CHN2: variants seen among roughly 807,000 people sequenced by gnomAD.
CHN2 encodes chimerin 2, also known as beta-chimaerin.
A neutral mutation model predicts 56.3 loss-of-function variants in CHN2; 35 were observed. The ratio of observed to expected loss-of-function variants is 0.62; its 90% CI spans 0.47 to 0.82. The LOEUF (loss-of-function observed/expected upper bound fraction) is 0.82. Ranked by LOEUF, CHN2 falls within the 40% of genes least tolerant of loss-of-function variation. The pLI is 0.00. For synonymous variants in CHN2, 210 were observed against 212.8 expected (o/e 0.99, Z 0.12); for missense variants, 491 against 580.5 (o/e 0.85, Z 1.58).
At chr7:29,172,489 C>T (rs1477634700) in intron 2 of CHN2, among the ~76,000 whole-genome samples, 2 of 152,126 alleles carry the variant, frequency 1.3e-5, no homozygotes, top group Non-Finnish European at 2.9e-5. Context: ...TAAAAATAAC[C>T]AAGCCTTCAG....
At chr7:29,392,261 C>T (rs1801425474) in intron 3 of CHN2, among the ~76,000 whole-genome samples, 1 of 152,094 alleles carries the variant, frequency 6.6e-6, no homozygotes, top group African/African-American at 2.4e-5. Context: ...TAAAAAAGAA[C>T]TTTGAAAGCC....
intron 1 of CHN2, among the ~76,000 whole-genome samples, chr7:29,286,362 A>C (rs1010099268): frequency 1.3e-5 from 2 of 151,998 alleles, no homozygotes; most frequent in African/African-American, 4.8e-5. Flanking sequence ...TATCATAAGA[A>C]ATAGGGTAGG....
At chr7:29,270,217 G>C (rs558387651) in intron 1 of CHN2, among the ~76,000 whole-genome samples, 1 of 152,042 alleles carries the variant, frequency 6.6e-6, no homozygotes, top group Non-Finnish European at 1.5e-5. Context: ...AACCTTGCTC[G>C]CTGGTAGTCT....
chr7:29,495,900 G>C (rs1789217221), intron 7 of CHN2, 52 bp from the exon 8 acceptor site: 1 of 1,494,820 alleles, frequency 6.7e-7, no homozygotes, highest in Non-Finnish European at 9.3e-7. Flanking sequence ...GAGGCTACCT[G>C]CCTTTAAATG....
intron 1 of CHN2, among the ~76,000 whole-genome samples, chr7:29,310,037 G>A (rs560413334): frequency 4.6e-5 from 7 of 152,316 alleles, no homozygotes; most frequent in African/African-American, 1.7e-4. Flanking sequence ...CCTAGGTGGG[G>A]GGACCAAGAA....
At chr7:29,245,451 A>G (rs1788000254) in intron 1 of CHN2, among the ~76,000 whole-genome samples, 1 of 152,252 alleles carries the variant, frequency 6.6e-6, no homozygotes, top group South Asian at 2.1e-4. Context: ...TAGGTACTTC[A>G]GTGGGGACAA....
chr7:29,299,838 A>G (rs566918714), intron 1 of CHN2, among the ~76,000 whole-genome samples: 1 of 152,354 alleles, frequency 6.6e-6, no homozygotes, highest in Admixed American at 6.5e-5. Context: ...ACAACTGTCC[A>G]TGAGAGTGCA....
intron 1 of CHN2, among the ~76,000 whole-genome samples, chr7:29,310,822 C>A (rs997135786): frequency 2.0e-5 from 3 of 152,200 alleles, no homozygotes; most frequent in African/African-American, 7.2e-5. Flanking sequence ...GCTCCACCCT[C>A]ATGACCTAAT....
At chr7:29,265,721 A>AGG (rs111808556) in intron 1 of CHN2, among the ~76,000 whole-genome samples, 8,042 of 152,136 alleles carry the variant, frequency 0.053, 704 homozygotes, top group African/African-American at 0.18. Context: ...GCATGTAGGG[A>AGG]GGAGAATCCT....
At chr7:29,471,643 T>G (rs1351685031) in intron 6 of CHN2, among the ~76,000 whole-genome samples, 1 of 152,106 alleles carries the variant, frequency 6.6e-6, no homozygotes, top group Non-Finnish European at 1.5e-5. Flanking sequence ...GTCTCTCACA[T>G]CGAGAGTCGC....
At chr7:29,348,443 C>T (rs1797631484) in intron 1 of CHN2, among the ~76,000 whole-genome samples, 1 of 152,128 alleles carries the variant, frequency 6.6e-6, no homozygotes, top group Non-Finnish European at 1.5e-5. Flanking sequence ...TCTTATTACC[C>T]ATTTTTTAAA....
At chr7:29,239,195 T>C (rs1299747029) in intron 1 of CHN2, among the ~76,000 whole-genome samples, 4 of 152,028 alleles carry the variant, frequency 2.6e-5, no homozygotes, top group Non-Finnish European at 5.9e-5. Context: ...GGGAGTGACA[T>C]ATGCTTGAAT....
chr7:29,259,343 C>T (rs1017368965), intron 1 of CHN2, among the ~76,000 whole-genome samples: 1 of 149,936 alleles, frequency 6.7e-6, no homozygotes, highest in South Asian at 2.1e-4. Flanking sequence ...AAAACCCAAA[C>T]AAACAAACAT....
intron 1 of CHN2, among the ~76,000 whole-genome samples, chr7:29,315,834 AAG>A (rs1260521966): frequency 6.6e-6 from 1 of 152,186 alleles, no homozygotes; most frequent in African/African-American, 2.4e-5. Context: ...TGAAAATGCT[AAG>A]AGAGAAGATT....
chr7:29,486,150 G>A (rs186492376), intron 7 of CHN2, among the ~76,000 whole-genome samples: 25 of 152,286 alleles, frequency 1.6e-4, no homozygotes, highest in Non-Finnish European at 2.5e-4. Context: ...CCGATGGGAG[G>A]GGGTGGGGAG....
At chr7:29,334,241 G>A (rs995445360) in intron 1 of CHN2, among the ~76,000 whole-genome samples, 1 of 151,874 alleles carries the variant, frequency 6.6e-6, no homozygotes. Flanking sequence ...AGTAGAGACA[G>A]GGTTTCTTCA....
chr7:29,394,533 G>T lies in CHN2; in HGVS notation c.176+823G>T, dbSNP rs111327778. Among the ~76,000 whole-genome samples the T allele has an allele frequency of 3.3e-5, 5 of 152,270 alleles. 1 individual carries two copies. The highest frequency in any genetic ancestry group is 1.2e-4 in the African/African-American group (5 of 41,538). On this transcript the variant is annotated intron_variant, in intron 4 of 12. Transcript: ENST00000222792. ...TTCATGATTAATGACCCTCTTAGGG[G>T]TCCCAGCCCCGTGCACCTTCCTAAT... is the stretch of plus-strand genomic sequence containing the variant.
At chr7:29,347,844 C>T (rs950680109) in intron 1 of CHN2, among the ~76,000 whole-genome samples, 1 of 152,112 alleles carries the variant, frequency 6.6e-6, no homozygotes, top group African/African-American at 2.4e-5. Flanking sequence ...GATCTATGTG[C>T]GCTGACATGG....
At chr7:29,415,936 A>G (rs1364369042) in intron 6 of CHN2, among the ~76,000 whole-genome samples, 1 of 152,164 alleles carries the variant, frequency 6.6e-6, no homozygotes, top group Non-Finnish European at 1.5e-5. Flanking sequence ...TTAGACTTGT[A>G]AGTGTTGAAG....
Sources: allele counts gnomAD v4.1 joint callset (sites outside exome capture counted in the v4.1 genomes callset), GRCh38; gene constraint gnomAD v4.1.1; transcripts MANE v1.5; gene names NCBI Gene and HGNC (gene_info 2026-07-23, HGNC 2026-07-21).